Variants in CLEC16A observed in about 807,000 individuals in gnomAD.
The protein encoded by CLEC16A is protein CLEC16A.
CLEC16A carries 51 observed loss-of-function variants against 109.5 expected under a neutral mutation model. The observed-to-expected ratio is 0.47, with a 90% CI of 0.37 to 0.59. The LOEUF is 0.59. CLEC16A is among the 20% of genes least tolerant of loss of function. The probability of loss-of-function intolerance (pLI) is 0.00; values close to 1 mark genes in which losing one functional copy is unlikely to be tolerated. For missense variants in CLEC16A, 1,339 were observed against 1,394.0 expected (o/e 0.96, Z 0.63); for synonymous variants, 673 against 564.2 (o/e 1.19, Z -2.73).
At chr16:11,047,956 A>G (rs1449597087) in intron 17 of CLEC16A, 1 of 152,282 alleles carries the variant, frequency 6.6e-6, no homozygotes, top group Non-Finnish European at 1.5e-5. Flanking sequence ...TATCATGAGA[A>G]CAGTATAAGG....
chr16:11,059,163 A>G (rs1373363218), intron 18 of CLEC16A, among the ~76,000 whole-genome samples: 3 of 152,236 alleles, frequency 2.0e-5, no homozygotes, highest in Non-Finnish European at 4.4e-5. Flanking sequence ...TCAAGTTACA[A>G]TAAGGTGCCC....
chr16:11,048,799 G>A (rs74605729), intron 17 of CLEC16A, among the ~76,000 whole-genome samples: 66 of 152,158 alleles, frequency 4.3e-4, no homozygotes, highest in Middle Eastern at 3.4e-3. Context: ...CATTAGAGTG[G>A]AAGGGATTCA....
intron 19 of CLEC16A, among the ~76,000 whole-genome samples, chr16:11,091,360 GC>G (rs1235225499): frequency 6.6e-6 from 1 of 152,216 alleles, no homozygotes. Context: ...TGTGGTGGAT[GC>G]CCCCGGGTCT....
At chr16:11,012,254 C>T (rs1257215039) in intron 11 of CLEC16A, among the ~76,000 whole-genome samples, 1 of 152,174 alleles carries the variant, frequency 6.6e-6, no homozygotes, top group African/African-American at 2.4e-5. Flanking sequence ...GCCCAAAATA[C>T]TTCTAGCATT....
chr16:11,101,403 A>G (rs995536994), intron 19 of CLEC16A, among the ~76,000 whole-genome samples: 2 of 152,160 alleles, frequency 1.3e-5, no homozygotes, highest in Non-Finnish European at 2.9e-5. Flanking sequence ...CAAACTCACC[A>G]TGTTCCCTCC....
In CLEC16A at chr16:11,038,529, C is replaced by A. The variant is rs2047148275; in HGVS notation, c.1538-1225C>A. Among the ~76,000 whole-genome samples, 9 of 152,304 alleles carry A rather than the reference C, an allele frequency of 5.9e-5. No individual in the cohort carries two copies. In the South Asian group the frequency reaches 1.9e-3, roughly 32 times the overall value. ...AGCCCTAACAGGTCTTCTGTCACTG[C>A]AGGTCCTGTGTGCTTCTTTAGGAGA... On this transcript the variant is annotated intron_variant, in intron 13 of 23. Transcript: ENST00000409790.
chr16:11,091,312 C>G (rs2050291292), intron 19 of CLEC16A, among the ~76,000 whole-genome samples: 2 of 152,220 alleles, frequency 1.3e-5, no homozygotes, highest in African/African-American at 4.8e-5. Context: ...GCTCACAGGC[C>G]TATTCAGTAT....
At chr16:11,148,958 T>C (rs2054183028) in intron 22 of CLEC16A, among the ~76,000 whole-genome samples, 1 of 152,050 alleles carries the variant, frequency 6.6e-6, no homozygotes, top group Admixed American at 6.6e-5. Context: ...TTATTAATTG[T>C]GAAAGGGAAG....
chr16:10,962,158 C>T (rs570100142), intron 2 of CLEC16A, among the ~76,000 whole-genome samples: 66 of 152,016 alleles, frequency 4.3e-4, no homozygotes, highest in African/African-American at 1.5e-3. Flanking sequence ...GTTATTTTGC[C>T]CAGGCTGGGT....
chr16:11,146,439 A>C (rs1429099640), intron 22 of CLEC16A, among the ~76,000 whole-genome samples: 4 of 145,940 alleles, frequency 2.7e-5, no homozygotes, highest in Admixed American at 2.7e-4. Context: ...AGAGGGATGA[A>C]TGAATAAATA....
At chr16:11,072,491 G>A (rs529129698) in intron 19 of CLEC16A, among the ~76,000 whole-genome samples, 27 of 152,296 alleles carry the variant, frequency 1.8e-4, no homozygotes, top group African/African-American at 6.3e-4. Context: ...GAGAGAGAGA[G>A]ATAATCCAGT....
chr16:11,039,607 A>G (rs2047208487), intron 13 of CLEC16A, 147 bp from the exon 14 acceptor site: 2 of 1,028,136 alleles, frequency 1.9e-6, no homozygotes, highest in Admixed American at 6.7e-5. Context: ...ATTAAAAACT[A>G]AAAAAAAGAA....
chr16:11,012,487 C>G (rs561917913), intron 11 of CLEC16A, among the ~76,000 whole-genome samples: 1 of 146,332 alleles, frequency 6.8e-6, no homozygotes, highest in South Asian at 2.3e-4. Flanking sequence ...CCCAGCTACT[C>G]GGGAGGCTGA....
At chr16:10,948,071 T>A (rs937346248) in intron 1 of CLEC16A, among the ~76,000 whole-genome samples, 2 of 152,246 alleles carry the variant, frequency 1.3e-5, no homozygotes, top group Non-Finnish European at 2.9e-5. Context: ...TTTTTTGTAT[T>A]TTTAGTAGAG....
intron 3 of CLEC16A, among the ~76,000 whole-genome samples, chr16:10,965,960 T>C (rs964005048): frequency 1.3e-5 from 2 of 152,168 alleles, no homozygotes; most frequent in African/African-American, 4.8e-5. Context: ...TCTGTGCTGC[T>C]GGTGGTCTGG....
intron 19 of CLEC16A, among the ~76,000 whole-genome samples, chr16:11,074,782 C>T (rs2049258276): frequency 6.6e-6 from 1 of 152,174 alleles, no homozygotes; most frequent in Non-Finnish European, 1.5e-5. Context: ...ATTCTTTTTT[C>T]CTTTACAAAG....
chr16:11,128,660 G>T, intron 22 of CLEC16A, among the ~76,000 whole-genome samples: 1 of 152,336 alleles, frequency 6.6e-6, no homozygotes, highest in East Asian at 1.9e-4. Flanking sequence ...TGAAGAGCAA[G>T]TTGAAATCCC....
chr16:11,173,142 C>T (rs1400572417), intron 23 of CLEC16A, among the ~76,000 whole-genome samples: 1 of 152,154 alleles, frequency 6.6e-6, no homozygotes, highest in Non-Finnish European at 1.5e-5. Context: ...CCACTCAACT[C>T]GGTCACCACT....
chr16:11,039,883 A>C lies in CLEC16A; in HGVS notation c.1660+7A>C, dbSNP rs1477634038. ...AACAACGCTGCCCAGCCAGGTGCCC[A>C]CTTGGGGTGTTGTCTGTCCACAGGG... On this transcript the variant is annotated splice_region_variant and intron_variant, in intron 14 of 23. Transcript: ENST00000409790. 6.2e-7 allele frequency: 1 copy of C among 1,611,612 alleles called. No homozygotes were observed. Among genetic ancestry groups the C allele is most frequent in the Non-Finnish European group, 8.5e-7 (1 of 1,178,904 alleles).
Sources: gnomAD v4.1 joint callset for allele counts (sites outside exome capture counted in the v4.1 genomes callset) on GRCh38, gnomAD v4.1.1 for gene constraint, MANE v1.5 for transcripts, NCBI Gene and HGNC (gene_info 2026-07-23, HGNC 2026-07-21) for gene names.